The following DPP6 variants were observed in gnomAD, a reference collection of about 807,000 sequenced individuals.
DPP6 encodes A-type potassium channel modulatory protein DPP6.
A neutral mutation model predicts 122.6 loss-of-function variants in DPP6; 69 were observed. That is an observed-to-expected ratio of 0.56 (90% CI 0.46 to 0.69). DPP6 has a LOEUF of 0.69. Among genes scored for constraint, DPP6 ranks in the 30% least tolerant of loss-of-function variants. The probability of loss-of-function intolerance (pLI) is 0.00; values close to 1 mark genes in which losing one functional copy is unlikely to be tolerated. For synonymous variants in DPP6, 418 were observed against 433.1 expected (o/e 0.97, Z 0.43); for missense variants, 928 against 1,116.9 (o/e 0.83, Z 2.41).
chr7:154,585,230 C>T (rs988114316), intron 5 of DPP6, among the ~76,000 whole-genome samples: 18 of 152,210 alleles, frequency 1.2e-4, no homozygotes, highest in East Asian at 3.9e-4. Flanking sequence ...TTTTAATGCC[C>T]GCATAGTCTT....
chr7:154,210,836 GA>G (rs34596484), intron 1 of DPP6, among the ~76,000 whole-genome samples: 3,919 of 150,100 alleles, frequency 0.026, 72 homozygotes, highest in South Asian at 0.069. Context: ...GTGCAAAAAG[GA>G]AAAAAAAAGA....
At chr7:154,648,431 C>G (rs1425660336) in intron 6 of DPP6, among the ~76,000 whole-genome samples, 1 of 152,104 alleles carries the variant, frequency 6.6e-6, no homozygotes, top group African/African-American at 2.4e-5. Context: ...GGGTTGGACA[C>G]AAATACCCCA....
At position 154,100,962 on chromosome 7, in the gene DPP6, C is replaced by T. The variant is rs1374855838; in HGVS notation, c.243+47899C>T. On this transcript the variant is annotated intron_variant, in intron 1 of 25. Coordinates refer to ENST00000377770, the MANE Select transcript of DPP6 (RefSeq NM_130797.4). Reference sequence around the variant, plus strand: ...AAGACCCCAAACGAGGCTCACCTCCCCGTGACCGTGCAGCGTGCTGCTGGT... The same window carrying T: ...AAGACCCCAAACGAGGCTCACCTCCTCGTGACCGTGCAGCGTGCTGCTGGT... 3.6e-4 allele frequency among the ~76,000 whole-genome samples: 51 copies of T among 141,340 alleles called. 6 individuals are homozygous for T. The highest frequency in any genetic ancestry group is 3.3e-3 in the Admixed American group (46 of 13,970). The allele number at this position is 141,340 out of a possible 152,430, so 92.7% of individuals were successfully genotyped here.
At chr7:154,585,977 A>T (rs1396292986) in intron 5 of DPP6, among the ~76,000 whole-genome samples, 2 of 152,120 alleles carry the variant, frequency 1.3e-5, no homozygotes, top group African/African-American at 4.8e-5. Flanking sequence ...GGCACTCCAG[A>T]TGAAAGAACC....
intron 1 of DPP6, among the ~76,000 whole-genome samples, chr7:153,958,733 C>T (rs1489526342): frequency 6.6e-6 from 1 of 152,186 alleles, no homozygotes; most frequent in Non-Finnish European, 1.5e-5. Context: ...ACAACAAAAT[C>T]AGCTCTCTTG....
At chr7:154,697,324 A>G (rs1840276616) in intron 7 of DPP6, among the ~76,000 whole-genome samples, 1 of 152,148 alleles carries the variant, frequency 6.6e-6, no homozygotes, top group African/African-American at 2.4e-5. Flanking sequence ...GCCCACGAGA[A>G]GTTGCTCCTG....
chr7:154,153,717 A>G (rs1796540912), intron 1 of DPP6, among the ~76,000 whole-genome samples: 1 of 152,270 alleles, frequency 6.6e-6, no homozygotes, highest in Admixed American at 6.5e-5. Flanking sequence ...CAGGACCTAC[A>G]GTTTTCCTAT....
At chr7:154,488,707 A>G (rs964045418) in intron 3 of DPP6, among the ~76,000 whole-genome samples, 4 of 152,120 alleles carry the variant, frequency 2.6e-5, no homozygotes, top group Admixed American at 1.3e-4. Context: ...TACACAGCCC[A>G]CATATTTACA....
chr7:154,007,289 G>A (rs1585166275), intron 1 of DPP6, among the ~76,000 whole-genome samples: 1 of 152,226 alleles, frequency 6.6e-6, no homozygotes, highest in African/African-American at 2.4e-5. Flanking sequence ...TATAGACATT[G>A]TTATTTGTTC....
chr7:154,604,471 T>C lies in DPP6; in HGVS notation c.628-33350T>C, dbSNP rs1195740248. Among the ~76,000 whole-genome samples the C allele has an allele frequency of 3.3e-5, 4 of 120,690 alleles. 1 individual carries two copies. The highest frequency in any genetic ancestry group is 5.6e-5 in the Non-Finnish European group (3 of 53,506). The allele number at this position is 120,690 out of a possible 152,430, so 79.2% of individuals were successfully genotyped here. ...TATTAAAAATCCTATTGAAATGATA[T>C]TGAATTGAGATACTAAGTTGGAGAG... On this transcript the variant is annotated intron_variant, in intron 5 of 25. Coordinates refer to ENST00000377770, the MANE Select transcript of DPP6 (RefSeq NM_130797.4).
At chr7:154,678,909 C>T (rs189801292) in intron 7 of DPP6, among the ~76,000 whole-genome samples, 21 of 152,290 alleles carry the variant, frequency 1.4e-4, no homozygotes, top group Admixed American at 1.2e-3. Flanking sequence ...ATAATCTACT[C>T]GAAGTACAGG....
chr7:154,143,029 T>C (rs867658662), intron 1 of DPP6, among the ~76,000 whole-genome samples: 1,687 of 138,298 alleles, frequency 0.012, 37 homozygotes, highest in African/African-American at 0.044. Flanking sequence ...TAAATACTAG[T>C]AAGATACCAA....
At chr7:154,442,862 A>G (rs1370233864) in intron 1 of DPP6, among the ~76,000 whole-genome samples, 1 of 151,886 alleles carries the variant, frequency 6.6e-6, no homozygotes, top group African/African-American at 2.4e-5. Flanking sequence ...GACCTCCATT[A>G]CCCCTGTGCC....
intron 1 of DPP6, among the ~76,000 whole-genome samples, chr7:154,145,114 G>A (rs1257263080): frequency 2.0e-5 from 3 of 152,104 alleles, no homozygotes; most frequent in Non-Finnish European, 2.9e-5. Context: ...TGCTGCAATG[G>A]GATTTGGTTA....
rs1831019335 is a variant in DPP6 at position 154,570,099 on chromosome 7, T to C, written c.627+3183T>C. ...TCCAATTTCATTGGAATGGAGTTGA[T>C]GGATGCCTACATGAAATCAGCTGTC... On this transcript the variant is annotated intron_variant, in intron 5 of 25. Transcript: ENST00000377770. 2.0e-5 allele frequency among the ~76,000 whole-genome samples: 3 copies of C among 152,032 alleles called. No homozygotes were observed. The South Asian group carries it at 6.2e-4, about 32-fold the overall frequency.
At chr7:154,130,308 A>G (rs1258605074) in intron 1 of DPP6, among the ~76,000 whole-genome samples, 13 of 152,046 alleles carry the variant, frequency 8.6e-5, no homozygotes, top group Non-Finnish European at 2.9e-5. Flanking sequence ...TCTCGATGGG[A>G]CTTTGAAAAA....
intron 16 of DPP6, among the ~76,000 whole-genome samples, chr7:154,809,842 C>A (rs1180423575): frequency 1.3e-5 from 2 of 152,134 alleles, no homozygotes; most frequent in Admixed American, 6.5e-5. Flanking sequence ...GTGACCCTCC[C>A]AGAATCCAGA....
At chr7:154,780,078 T>C (rs1485573592) in intron 10 of DPP6, among the ~76,000 whole-genome samples, 1 of 152,172 alleles carries the variant, frequency 6.6e-6, no homozygotes, top group Non-Finnish European at 1.5e-5. Flanking sequence ...TTCAAGGAGA[T>C]TGGCTCCAGC....
At chr7:154,754,803 AG>A (rs1239199787) in intron 8 of DPP6, among the ~76,000 whole-genome samples, 6 of 152,268 alleles carry the variant, frequency 3.9e-5, no homozygotes, top group African/African-American at 1.4e-4. Context: ...GCCATAAAAA[AG>A]AATGAGTTCA....
Sources: gnomAD v4.1 joint callset for allele counts (sites outside exome capture counted in the v4.1 genomes callset) on GRCh38, gnomAD v4.1.1 for gene constraint, MANE v1.5 for transcripts, NCBI Gene and HGNC (gene_info 2026-07-23, HGNC 2026-07-21) for gene names.